The following SYN2 variants were observed in gnomAD, a reference collection of about 807,000 sequenced individuals.
SYN2 encodes the protein synapsin-2.
A neutral mutation model predicts 50.9 loss-of-function variants in SYN2; 19 were observed. The observed-to-expected ratio is 0.37, with a 90% CI of 0.26 to 0.55. SYN2 has a LOEUF of 0.55. Ranked by LOEUF, SYN2 falls within the 20% of genes least tolerant of loss-of-function variation. The pLI is 0.81. For missense variants in SYN2, 587 were observed against 576.4 expected (o/e 1.02, Z -0.19); for synonymous variants, 255 against 224.9 (o/e 1.13, Z -1.20).
intron 5 of SYN2, chr3:12,153,538 A>C (rs1372416775): frequency 6.2e-7 from 1 of 1,613,432 alleles, no homozygotes; most frequent in Non-Finnish European, 8.5e-7. Flanking sequence ...ATGTCAACAA[A>C]CTCCTTCCTG....
intron 1 of SYN2, among the ~76,000 whole-genome samples, chr3:12,007,194 G>T (rs561502775): frequency 6.6e-6 from 1 of 152,304 alleles, no homozygotes; most frequent in South Asian, 2.1e-4. Flanking sequence ...TTGCCCTGGA[G>T]ACTAGAAGCC....
chr3:12,183,297 A>G lies in SYN2; in HGVS notation c.1309-15A>G, dbSNP rs757709256. Reference sequence around the variant, plus strand: ...TTGGAGTTTTGTTTTTATCTCTTACATTTTTGTCTTCCAGAGCGGAACACT... The same window carrying G: ...TTGGAGTTTTGTTTTTATCTCTTACGTTTTTGTCTTCCAGAGCGGAACACT... On this transcript the variant is annotated splice_polypyrimidine_tract_variant and intron_variant, in intron 10 of 12. Transcript: ENST00000621198. The G allele has an allele frequency of 8.1e-6, 13 of 1,595,602 alleles. No homozygotes were observed. The highest frequency in any genetic ancestry group is 2.2e-5 in the East Asian group (1 of 44,756).
At chr3:12,026,965 T>A (rs1377577158) in intron 1 of SYN2, among the ~76,000 whole-genome samples, 1 of 152,144 alleles carries the variant, frequency 6.6e-6, no homozygotes, top group Non-Finnish European at 1.5e-5. Context: ...TTACACTAAT[T>A]TCTTCTTCTT....
Position 12,180,104 on chromosome 3 carries a change from A to G in SYN2, c.1309-3208A>G, listed in dbSNP as rs147383682. Among the ~76,000 whole-genome samples the G allele has an allele frequency of 2.3e-4, 35 of 152,242 alleles. No homozygotes were observed. The East Asian group carries it at 4.8e-3, about 21-fold the overall frequency. Reference sequence around the variant, plus strand: ...GCTGGGACTATAAGCACATGCCACCATGCCCACCTAATTTTTGTATTTTTT... The same window carrying G: ...GCTGGGACTATAAGCACATGCCACCGTGCCCACCTAATTTTTGTATTTTTT... On this transcript the variant is annotated intron_variant, in intron 10 of 12. Coordinates refer to ENST00000621198, the MANE Select transcript of SYN2 (RefSeq NM_133625.6).
chr3:12,079,238 T>C (rs951200539), intron 1 of SYN2, among the ~76,000 whole-genome samples: 8 of 152,212 alleles, frequency 5.3e-5, no homozygotes, highest in African/African-American at 1.9e-4. Context: ...TAGGATCATG[T>C]CATCTGTAAA....
At chr3:12,087,252 G>A (rs1482756325) in intron 1 of SYN2, among the ~76,000 whole-genome samples, 1 of 152,100 alleles carries the variant, frequency 6.6e-6, no homozygotes, top group African/African-American at 2.4e-5. Context: ...TTCATGGATT[G>A]GAGACATTAA....
Position 12,048,683 on chromosome 3 carries a change from A to G in SYN2, c.377+43755A>G, listed in dbSNP as rs1488624639. Among the ~76,000 whole-genome samples the G allele has an allele frequency of 1.3e-5, 2 of 152,190 alleles. 1 individual carries two copies. Among genetic ancestry groups the G allele is most frequent in the South Asian group, 4.1e-4 (2 of 4,824 alleles). ...TGCCTACTTAGTTAAGTGTTTTAAT[A>G]TAGTATCTCATTTCATCCTCTCAGC... On this transcript the variant is annotated intron_variant, in intron 1 of 12. Transcript: ENST00000621198.
chr3:12,004,777 C>A lies in SYN2; in HGVS notation c.226C>A (p.Pro76Thr). 1 of 374,032 alleles carries A rather than the reference C, an allele frequency of 2.7e-6. No individual in the cohort carries two copies. 23.2% of individuals were successfully genotyped at this position (374,032 alleles called of 1,614,324 possible). A position where few individuals can be genotyped will look rare whatever the true frequency, so the allele number is the denominator to read the frequency against. ...GCCCGCGCCGCAGCCCGCGCCGACG[C>A]CGTCGGTGGGCAGCAGCTTCTTCAG... ...SAPAPQPAPT[P>T]SVGSSFFSSL... is the part of the protein sequence containing the mutation. The change falls in exon 1 of 13, where the codon CCG (proline) becomes ACG (threonine). Residue 76 changes from proline to threonine, a missense_variant. Coordinates refer to ENST00000621198, the MANE Select transcript of SYN2 (RefSeq NM_133625.6).
chr3:12,175,249 G>A (rs1698039346), intron 10 of SYN2, among the ~76,000 whole-genome samples: 1 of 152,236 alleles, frequency 6.6e-6, no homozygotes, highest in Admixed American at 6.5e-5. Context: ...TATTTGTTGA[G>A]TGAGTTCACC....
At chr3:12,013,505 A>G (rs1171014353) in intron 1 of SYN2, among the ~76,000 whole-genome samples, 6 of 152,126 alleles carry the variant, frequency 3.9e-5, no homozygotes, top group Non-Finnish European at 7.4e-5. Flanking sequence ...ATCTTTAGAC[A>G]TATGTGCAGC....
At chr3:12,167,972 A>G (rs926596046) in intron 8 of SYN2, among the ~76,000 whole-genome samples, 2 of 152,192 alleles carry the variant, frequency 1.3e-5, no homozygotes, top group African/African-American at 4.8e-5. Context: ...CTGGGGATTT[A>G]TGGAAGGCTG....
chr3:12,106,132 T>C (rs1184378658), intron 1 of SYN2, among the ~76,000 whole-genome samples: 1 of 152,200 alleles, frequency 6.6e-6, no homozygotes, highest in Non-Finnish European at 1.5e-5. Flanking sequence ...CTAAGATCCC[T>C]GTTTCCGTGA....
intron 1 of SYN2, among the ~76,000 whole-genome samples, chr3:12,092,242 G>T (rs992228643): frequency 2.2e-4 from 34 of 152,204 alleles, no homozygotes; most frequent in African/African-American, 7.9e-4. Context: ...AGCACCAAAC[G>T]TTCAAACTTT....
intron 5 of SYN2, chr3:12,153,644 C>A (rs776322088): frequency 6.2e-7 from 1 of 1,614,200 alleles, no homozygotes; most frequent in Admixed American, 1.7e-5. Flanking sequence ...TTCGTTCCAA[C>A]AGCCAGTCTG....
rs1166021892 is a variant in SYN2, at chr3:12,153,658, A to G, written c.774+2332A>G. On this transcript the variant is annotated intron_variant, in intron 5 of 12. Transcript: ENST00000621198. ...TTTCGTTCCAACAGCCAGTCTGTCC[A>G]GAGGCACTCGTTAGGGGCCGAGATG... 5.0e-6 allele frequency: 8 copies of G among 1,614,230 alleles called. No homozygotes were observed. In the South Asian group the frequency reaches 8.8e-5, roughly 18 times the overall value.
intron 1 of SYN2, among the ~76,000 whole-genome samples, chr3:12,087,059 A>G (rs1424469295): frequency 2.0e-5 from 3 of 152,210 alleles, no homozygotes; most frequent in Non-Finnish European, 4.4e-5. Context: ...ATTTCCATAT[A>G]CTAACAATGA....
At chr3:12,010,674 T>A (rs1368003830) in intron 1 of SYN2, among the ~76,000 whole-genome samples, 1 of 152,222 alleles carries the variant, frequency 6.6e-6, no homozygotes, top group Non-Finnish European at 1.5e-5. Context: ...TCCAGTACTG[T>A]ATTATTTCCG....
intron 1 of SYN2, among the ~76,000 whole-genome samples, chr3:12,128,749 G>A (rs973782448): frequency 6.6e-6 from 1 of 152,100 alleles, no homozygotes; most frequent in Non-Finnish European, 1.5e-5. Context: ...TTGTTGAAAT[G>A]CTCTCCATTT....
chr3:12,119,486 G>C (rs1257793966), intron 1 of SYN2, among the ~76,000 whole-genome samples: 2 of 152,198 alleles, frequency 1.3e-5, no homozygotes, highest in Non-Finnish European at 2.9e-5. Flanking sequence ...AGTGAAGAGA[G>C]AGGCTTCTCC....
Sources: allele counts gnomAD v4.1 joint callset (sites outside exome capture counted in the v4.1 genomes callset), GRCh38; gene constraint gnomAD v4.1.1; transcripts MANE v1.5; gene names NCBI Gene and HGNC (gene_info 2026-07-23, HGNC 2026-07-21).